Variants in SPAG17 observed in about 807,000 individuals in gnomAD.
SPAG17 encodes sperm-associated antigen 17.
SPAG17 carries 169 observed loss-of-function variants against 273.6 expected under a neutral mutation model. The ratio of observed to expected loss-of-function variants is 0.62; its 90% CI spans 0.55 to 0.70. The LOEUF is 0.70. SPAG17 is among the 30% of genes least tolerant of loss of function. The pLI, the probability that SPAG17 is intolerant of heterozygous loss-of-function variation, is 0.00. For synonymous variants in SPAG17, 825 were observed against 873.2 expected (o/e 0.94, Z 0.97); for missense variants, 2,557 against 2,627.8 (o/e 0.97, Z 0.59).
At chr1:118,123,922 T>C (rs970365288) in intron 3 of SPAG17, among the ~76,000 whole-genome samples, 15 of 152,196 alleles carry the variant, frequency 9.9e-5, no homozygotes, top group African/African-American at 3.4e-4. Context: ...TAATTTAAAA[T>C]GTAATGAATT....
chr1:117,983,962 AACTGTCG>A, intron 41 of SPAG17, 49 bp from the exon 42 acceptor site: 1 of 885,688 alleles, frequency 1.1e-6, no homozygotes, highest in Non-Finnish European at 1.8e-6. Context: ...GCTGAAATTC[AACTGTCG>A]CAAATATGTT....
chr1:118,085,246 G>T (rs1654898372), intron 13 of SPAG17, among the ~76,000 whole-genome samples: 1 of 152,122 alleles, frequency 6.6e-6, no homozygotes, highest in Non-Finnish European at 1.5e-5. Context: ...GGACAGAATG[G>T]AAAGAGACAG....
intron 17 of SPAG17, among the ~76,000 whole-genome samples, chr1:118,071,197 A>C (rs1164025230): frequency 6.6e-6 from 1 of 151,968 alleles, no homozygotes; most frequent in Non-Finnish European, 1.5e-5. Flanking sequence ...TTTCATTATT[A>C]ATATGAGCAA....
chr1:118,106,966 G>C (rs1656437637), intron 4 of SPAG17, among the ~76,000 whole-genome samples: 1 of 152,110 alleles, frequency 6.6e-6, no homozygotes, highest in Non-Finnish European at 1.5e-5. Context: ...TGGTTCTTGG[G>C]ATTCTGGGAT....
chr1:117,998,618 A>T (rs1033039501), intron 32 of SPAG17, among the ~76,000 whole-genome samples: 8 of 152,132 alleles, frequency 5.3e-5, no homozygotes, highest in African/African-American at 1.9e-4. Flanking sequence ...TGATAGGAAT[A>T]GTCTTGAATC....
chr1:117,980,381 G>A lies in SPAG17; in HGVS notation c.6004+889C>T, dbSNP rs146097789. ...TCGGTAGCTAGCATTACAGGCAAGC[G>A]CCACCATGCCCAGCTAATTTTTGTA... On this transcript the variant is annotated intron_variant, in intron 43 of 48. Transcript: ENST00000336338. Among the ~76,000 whole-genome samples, 159 of 152,152 alleles carry A rather than the reference G, an allele frequency of 1.0e-3. 1 individual carries two copies. In the East Asian group the frequency reaches 0.014, roughly 13 times the overall value.
At chr1:118,169,181 G>A (rs1319413852) in intron 1 of SPAG17, among the ~76,000 whole-genome samples, 1 of 152,032 alleles carries the variant, frequency 6.6e-6, no homozygotes, top group Non-Finnish European at 1.5e-5. Flanking sequence ...ATAACATCTA[G>A]GTGGATATTT....
intron 1 of SPAG17, among the ~76,000 whole-genome samples, chr1:118,159,129 C>T (rs1006671774): frequency 1.3e-5 from 2 of 152,184 alleles, no homozygotes; most frequent in African/African-American, 4.8e-5. Context: ...AGGAGTCATG[C>T]CTCTGAATCA....
chr1:118,027,248 A>G (rs1199466678), intron 26 of SPAG17, among the ~76,000 whole-genome samples: 3 of 152,182 alleles, frequency 2.0e-5, no homozygotes, highest in African/African-American at 7.2e-5. Context: ...GGAAGGGAAC[A>G]GGGTCCATGG....
intron 1 of SPAG17, among the ~76,000 whole-genome samples, chr1:118,184,726 A>G (rs1422484284): frequency 1.3e-5 from 2 of 152,164 alleles, no homozygotes; most frequent in African/African-American, 4.8e-5. Context: ...AGAAGGTTTC[A>G]GGAGAAAACA....
chr1:118,054,665 A>G (rs1349119219), intron 19 of SPAG17, among the ~76,000 whole-genome samples: 1 of 152,044 alleles, frequency 6.6e-6, no homozygotes, highest in Non-Finnish European at 1.5e-5. Flanking sequence ...GGCCCTAGAC[A>G]TGAGTGTTAG....
Position 117,992,460 on chromosome 1 carries a change from C to T in SPAG17, c.5361+6G>A, listed in dbSNP as rs1279523807. 3 of 1,594,844 alleles carry T rather than the reference C, an allele frequency of 1.9e-6. No individual in the cohort carries two copies. The highest frequency in any genetic ancestry group is 1.8e-5 in the Admixed American group (1 of 55,430). ...CTTTTGGGTCAGGTCACCTAGATTC[C>T]ATTACCTTAAGGGAAACCTGCAGCC... On this transcript the variant is annotated splice_donor_region_variant and intron_variant, in intron 36 of 48. Transcript: ENST00000336338.
At position 118,025,323 on chromosome 1, in the gene SPAG17, A is replaced by C; in HGVS notation, c.3824T>G (p.Val1275Gly). 6.2e-7 allele frequency: 1 copy of C among 1,613,652 alleles called. No homozygotes were observed. Among genetic ancestry groups the C allele is most frequent in the Non-Finnish European group, 8.5e-7 (1 of 1,179,768 alleles). Reference protein sequence around the residue: ...RVKHYEFYKTVMPPAEQEASR... With the variant: ...RVKHYEFYKTGMPPAEQEASR... ...AGCCTCCTGCTCTGCGGGTGGCATC[A>C]CCGTTTTATAGAACTCATAGTGCTT... The change falls in exon 27 of 49, where the codon GTG becomes GGG. Residue 1275 changes from valine to glycine, a missense_variant. Physicochemically the swap from Val to Gly is moderately radical, Grantham distance 109. Coordinates refer to ENST00000336338, the MANE Select transcript of SPAG17 (RefSeq NM_206996.4).
Position 117,983,049 on chromosome 1 carries a change from G to A in SPAG17, c.5872+762C>T, listed in dbSNP as rs555850402. Among the ~76,000 whole-genome samples, 162 of 152,270 alleles carry A rather than the reference G, an allele frequency of 1.1e-3. 1 individual carries two copies. The highest frequency in any genetic ancestry group is 3.9e-3 in the African/African-American group (161 of 41,560). ...CTTATAAAGACATATCCAAGACTGG[G>A]CATGTCTACAGGAAAAAGGTTTAAT... On this transcript the variant is annotated intron_variant, in intron 42 of 48. Coordinates refer to ENST00000336338, the MANE Select transcript of SPAG17 (RefSeq NM_206996.4).
At chr1:117,956,409 A>G (rs1200008499) in intron 48 of SPAG17, among the ~76,000 whole-genome samples, 1 of 152,242 alleles carries the variant, frequency 6.6e-6, no homozygotes, top group East Asian at 1.9e-4. Context: ...CTACATATAT[A>G]TTCCTTACAA....
At chr1:118,135,428 T>G (rs894819296) in intron 3 of SPAG17, among the ~76,000 whole-genome samples, 4 of 149,422 alleles carry the variant, frequency 2.7e-5, no homozygotes, top group East Asian at 3.9e-4. Context: ...TGTGTGTGTG[T>G]GTGGGGTATG....
intron 18 of SPAG17, among the ~76,000 whole-genome samples, chr1:118,062,611 A>T (rs1027668494): frequency 6.6e-6 from 1 of 152,056 alleles, no homozygotes; most frequent in Non-Finnish European, 1.5e-5. Context: ...TATAACCTCC[A>T]TATGCATGAA....
chr1:118,039,312 T>A lies in SPAG17; in HGVS notation c.3299A>T (p.Glu1100Val). The change falls in exon 23 of 49, where the codon GAG becomes GTG. Residue 1100 changes from glutamate (E) to valine (V), a missense_variant. Physicochemically the swap from Glu to Val is moderately radical, Grantham distance 121. Coordinates refer to ENST00000336338, the MANE Select transcript of SPAG17 (RefSeq NM_206996.4). ...YYLEEEEEGDEEQSLETEVSD... is the reference protein window; with the variant it reads ...YYLEEEEEGDVEQSLETEVSD... The stretch of plus-strand genomic sequence containing the variant: ...CTTACCCGTTTCAAGACTTTGTTCC[T>A]CATCTCCTTCTTCTTCCTCTTCTAA... 6.2e-7 allele frequency: 1 copy of A among 1,613,122 alleles called. No homozygotes were observed. Among genetic ancestry groups the A allele is most frequent in the East Asian group, 2.2e-5 (1 of 44,842 alleles).
At position 117,973,533 on chromosome 1, in the gene SPAG17, A is replaced by C. The variant is rs1330493421; in HGVS notation, c.6033T>G (p.Ile2011Met). 1 of 1,613,884 alleles carries C rather than the reference A, an allele frequency of 6.2e-7. No individual in the cohort carries two copies. The highest frequency in any genetic ancestry group is 1.1e-5 in the South Asian group (1 of 91,054). Residue 2011 changes from isoleucine (I) to methionine (M), a missense_variant, in exon 44 of 49, where the codon ATT (isoleucine) becomes ATG (methionine). Physicochemically the swap from Ile to Met is conservative, Grantham distance 10. Coordinates refer to ENST00000336338, the MANE Select transcript of SPAG17 (RefSeq NM_206996.4). ...CATCCTGCAGCAAGGACTGGGTTGG[A>C]ATTTTCACGGGCTCATAAGATTCTG... ...EEAESYEPVK[I>M]PTQSLLQDVA...
Sources: gnomAD v4.1 joint callset for allele counts (sites outside exome capture counted in the v4.1 genomes callset) on GRCh38, gnomAD v4.1.1 for gene constraint, MANE v1.5 for transcripts, NCBI Gene and HGNC (gene_info 2026-07-23, HGNC 2026-07-21) for gene names.